FGF12: variants seen among roughly 807,000 people sequenced by gnomAD.
FGF12 encodes fibroblast growth factor 12.
A neutral mutation model predicts 23.6 loss-of-function variants in FGF12; 14 were observed. The observed-to-expected ratio is 0.59, with a 90% confidence interval of 0.39 to 0.93. FGF12 has a LOEUF of 0.93. Among genes scored for constraint, FGF12 ranks in the 40% least tolerant of loss-of-function variants. FGF12 has a pLI of 0.00. For missense variants in FGF12, 175 were observed against 217.8 expected, an observed-to-expected ratio of 0.80 and a Z score of 1.24; for synonymous variants, 62 against 77.3, an observed-to-expected ratio of 0.80 and a Z score of 1.04.
At chr3:192,177,703 G>A (rs1023942210) in intron 4 of FGF12, among the ~76,000 whole-genome samples, 1 of 152,140 alleles carries the variant, frequency 6.6e-6, no homozygotes, top group South Asian at 2.1e-4. Context: ...AACACAATAA[G>A]CATGTCCCAT....
At chr3:192,374,285 A>G (rs1719373614) in intron 2 of FGF12, among the ~76,000 whole-genome samples, 1 of 152,212 alleles carries the variant, frequency 6.6e-6, no homozygotes, top group South Asian at 2.1e-4. Context: ...ACTCTTCCCA[A>G]GTATGTATCC....
chr3:192,553,796 AC>A (rs1383952630), intron 2 of FGF12, among the ~76,000 whole-genome samples: 1 of 152,132 alleles, frequency 6.6e-6, no homozygotes, highest in African/African-American at 2.4e-5. Flanking sequence ...CAAAACTCAG[AC>A]TTTTGCGGTG....
intron 4 of FGF12, among the ~76,000 whole-genome samples, chr3:192,273,379 T>TA (rs1713570296): frequency 6.6e-6 from 1 of 152,034 alleles, no homozygotes; most frequent in Non-Finnish European, 1.5e-5. Context: ...ACAAACTTGT[T>TA]AAAAAATAAA....
intron 2 of FGF12, among the ~76,000 whole-genome samples, chr3:192,688,765 T>TA (rs1251113910): frequency 6.6e-6 from 1 of 152,144 alleles, no homozygotes; most frequent in African/African-American, 2.4e-5. Flanking sequence ...AGGAAATCAG[T>TA]ATGTCAAAAG....
chr3:192,602,941 A>G (rs1322886102), intron 2 of FGF12, among the ~76,000 whole-genome samples: 4 of 152,156 alleles, frequency 2.6e-5, no homozygotes, highest in African/African-American at 9.7e-5. Flanking sequence ...AAACCATATG[A>G]CCATCTCAAT....
Position 192,142,238 on chromosome 3 carries a change from C to T in FGF12, c.*1771G>A, listed in dbSNP as rs1199152095. 1 of 152,390 alleles carries T rather than the reference C, an allele frequency of 6.6e-6. No individual in the cohort carries two copies. Among genetic ancestry groups the T allele is most frequent in the Non-Finnish European group, 1.5e-5 (1 of 67,936 alleles). 9.4% of individuals were successfully genotyped at this position (152,390 alleles called of 1,614,324 possible). On this transcript the variant is annotated 3_prime_UTR_variant, in exon 6 of 6. Coordinates refer to ENST00000445105, the MANE Select transcript of FGF12 (RefSeq NM_004113.6). ...ACCTCTAGATAACAGAAATAGGATA[C>T]CTGGTGAAGGATATGGTCCACTATT...
chr3:192,467,942 T>C (rs1333251425), intron 2 of FGF12, among the ~76,000 whole-genome samples: 1 of 152,156 alleles, frequency 6.6e-6, no homozygotes, highest in Non-Finnish European at 1.5e-5. Flanking sequence ...TCAAATGTCT[T>C]TGCTATTTGC....
intron 5 of FGF12, among the ~76,000 whole-genome samples, chr3:192,161,439 T>TAC (rs764635155): frequency 1.1e-4 from 16 of 151,246 alleles, no homozygotes; most frequent in Admixed American, 7.3e-4. Context: ...TACACACAAA[T>TAC]ACACACACAC....
At chr3:192,364,308 A>G (rs1348051085) in intron 2 of FGF12, among the ~76,000 whole-genome samples, 1 of 152,210 alleles carries the variant, frequency 6.6e-6, no homozygotes, top group Admixed American at 6.5e-5. Context: ...TCCAGTTTAT[A>G]TGACTCCTTG....
intron 4 of FGF12, among the ~76,000 whole-genome samples, chr3:192,309,350 T>A (rs1715817397): frequency 6.6e-6 from 1 of 152,164 alleles, no homozygotes; most frequent in Non-Finnish European, 1.5e-5. Flanking sequence ...GACACAAAGC[T>A]TTTCCACACA....
intron 2 of FGF12, among the ~76,000 whole-genome samples, chr3:192,626,592 T>C (rs1715177312): frequency 6.6e-6 from 1 of 152,120 alleles, no homozygotes; most frequent in South Asian, 2.1e-4. Context: ...AAACGCTACA[T>C]ATACATGCCA....
chr3:192,213,269 CT>C lies in FGF12; in HGVS notation c.229-42614del, dbSNP rs1410638767. 2.5e-3 allele frequency among the ~76,000 whole-genome samples: 380 copies of C among 149,464 alleles called. 2 individuals carry two copies. Among genetic ancestry groups the C allele is most frequent in the African/African-American group, 8.8e-3 (360 of 40,796 alleles). On this transcript the variant is annotated intron_variant, in intron 4 of 5. Coordinates refer to ENST00000445105, the MANE Select transcript of FGF12 (RefSeq NM_004113.6). The stretch of plus-strand genomic sequence containing the variant: ...TGGTTATCTGAAAGCGTCTCCAATT[CT>C]TTTTTTTTTCCCTTTTTTTTGGAAG...
chr3:192,399,123 CA>C (rs35547975), intron 2 of FGF12, among the ~76,000 whole-genome samples: 1,658 of 137,402 alleles, frequency 0.012, 14 homozygotes, highest in Admixed American at 0.028. Flanking sequence ...CAAATATAAG[CA>C]AAAAAAAAAA....
intron 3 of FGF12, among the ~76,000 whole-genome samples, chr3:192,347,739 C>A (rs1449655559): frequency 6.6e-6 from 1 of 152,180 alleles, no homozygotes; most frequent in Non-Finnish European, 1.5e-5. Flanking sequence ...AAAATGGCTT[C>A]TTACCCAATT....
At chr3:192,150,120 G>A (rs1164225965) in intron 5 of FGF12, among the ~76,000 whole-genome samples, 1 of 58,986 alleles carries the variant, frequency 1.7e-5, no homozygotes, top group African/African-American at 6.1e-5. Context: ...CTTCTTTTGA[G>A]AAGTGTCTGT....
chr3:192,339,145 C>T (rs1338112460), intron 3 of FGF12, among the ~76,000 whole-genome samples: 1 of 152,074 alleles, frequency 6.6e-6, no homozygotes, highest in Non-Finnish European at 1.5e-5. Flanking sequence ...AATCAGTAAA[C>T]GATTTGAAAC....
intron 2 of FGF12, among the ~76,000 whole-genome samples, chr3:192,635,567 G>A (rs553992285): frequency 2.0e-5 from 3 of 152,162 alleles, no homozygotes; most frequent in Non-Finnish European, 2.9e-5. Context: ...GTGCTTGACC[G>A]TAGTAAGTTT....
chr3:192,166,504 G>A (rs1715169393), intron 5 of FGF12, among the ~76,000 whole-genome samples: 1 of 152,160 alleles, frequency 6.6e-6, no homozygotes, highest in South Asian at 2.1e-4. Context: ...TTTTAAATGG[G>A]GTTTAAGAAC....
chr3:192,229,166 T>C (rs6806165), intron 4 of FGF12, among the ~76,000 whole-genome samples: 1 of 144,826 alleles, frequency 6.9e-6, no homozygotes, highest in Admixed American at 6.8e-5. Flanking sequence ...GAATAAAATT[T>C]TAAAAAAAAA....
Sources: gnomAD v4.1 joint callset for allele counts (sites outside exome capture counted in the v4.1 genomes callset) on GRCh38, gnomAD v4.1.1 for gene constraint, MANE v1.5 for transcripts, NCBI Gene and HGNC (gene_info 2026-07-23, HGNC 2026-07-21) for gene names.